TUNAR: variants seen among roughly 807,000 people sequenced by gnomAD.
The protein encoded by TUNAR is protein TUNAR.
At chr14:95,920,368 C>G (rs534498127) in intron 2 of TUNAR, among the ~76,000 whole-genome samples, 15 of 152,110 alleles carry the variant, frequency 9.9e-5, no homozygotes, top group Non-Finnish European at 4.4e-5. Flanking sequence ...TACATTTAAA[C>G]TTTGTGCACT....
chr14:95,896,977 T>C lies in TUNAR; in HGVS notation c.12+19800T>C, dbSNP rs548248063. 3.3e-5 allele frequency among the ~76,000 whole-genome samples: 5 copies of C among 152,352 alleles called. No individual in the cohort carries two copies. In the East Asian group the frequency reaches 9.6e-4, roughly 29 times the overall value. ...GTTTATGCCATGATTCGGGCTTGCG[T>C]TGGAATTTGTTCCTTCAAATAGCTC... On this transcript the variant is annotated intron_variant, in intron 2 of 2. Transcript: ENST00000678517.
At chr14:95,882,917 C>A (rs1889004232) in intron 2 of TUNAR, among the ~76,000 whole-genome samples, 1 of 152,198 alleles carries the variant, frequency 6.6e-6, no homozygotes, top group Admixed American at 6.5e-5. Flanking sequence ...GTGAATGCCC[C>A]TGAGAGCATC....
chr14:95,921,306 C>T (rs565439328), intron 2 of TUNAR, among the ~76,000 whole-genome samples: 8 of 152,150 alleles, frequency 5.3e-5, no homozygotes, highest in Non-Finnish European at 8.8e-5. Context: ...AACCCTGAAG[C>T]GTGAAAAGCC....
At chr14:95,891,390 G>A (rs1186057219) in intron 2 of TUNAR, among the ~76,000 whole-genome samples, 2 of 152,044 alleles carry the variant, frequency 1.3e-5, no homozygotes, top group African/African-American at 2.4e-5. Context: ...AATAATTTTC[G>A]CCCTCTCTCC....
chr14:95,920,416 A>AG (rs1889677404), intron 2 of TUNAR, among the ~76,000 whole-genome samples: 1 of 152,064 alleles, frequency 6.6e-6, no homozygotes, highest in South Asian at 2.1e-4. Flanking sequence ...AAAGTATACG[A>AG]GGGGAGAAAA....
chr14:95,920,113 C>T (rs1185076035), intron 2 of TUNAR, among the ~76,000 whole-genome samples: 5 of 152,182 alleles, frequency 3.3e-5, no homozygotes, highest in Non-Finnish European at 7.3e-5. Context: ...TACACAACGA[C>T]GTGAGCAAAT....
intron 2 of TUNAR, among the ~76,000 whole-genome samples, chr14:95,882,486 T>C (rs1888995915): frequency 6.6e-6 from 1 of 152,230 alleles, no homozygotes; most frequent in African/African-American, 2.4e-5. Context: ...GTTGTTTTTG[T>C]ATGTGGCTTA....
chr14:95,908,104 A>C (rs1889452820), intron 2 of TUNAR, among the ~76,000 whole-genome samples: 2 of 152,092 alleles, frequency 1.3e-5, no homozygotes, highest in South Asian at 4.2e-4. Flanking sequence ...ATTCCTAGGG[A>C]CCTGCCTGCT....
chr14:95,915,790 T>TC (rs1397624952), intron 2 of TUNAR, among the ~76,000 whole-genome samples: 2 of 152,224 alleles, frequency 1.3e-5, no homozygotes, highest in Non-Finnish European at 2.9e-5. Flanking sequence ...TTAAAAACTC[T>TC]CAAGTGTGCT....
chr14:95,879,396 C>T (rs933467515), intron 2 of TUNAR, among the ~76,000 whole-genome samples: 2 of 152,126 alleles, frequency 1.3e-5, no homozygotes, highest in Non-Finnish European at 2.9e-5. Context: ...GGATATTAAT[C>T]TCCCAGCATT....
In TUNAR at chr14:95,885,092, G is replaced by A. The variant is rs144524720; in HGVS notation, c.12+7915G>A. On this transcript the variant is annotated intron_variant, in intron 2 of 2. Coordinates refer to ENST00000678517, the Ensembl canonical transcript of TUNAR. ...CTCTCAGATGGGATGCGTGCTCAGC[G>A]CATGGGGCCAGGGCTTGGTTTTCTG... 1.4e-4 allele frequency among the ~76,000 whole-genome samples: 21 copies of A among 152,326 alleles called. No homozygotes were observed. In the East Asian group the frequency reaches 1.5e-3, roughly 11 times the overall value.
At chr14:95,879,331 C>G (rs956373885) in intron 2 of TUNAR, among the ~76,000 whole-genome samples, 4 of 152,174 alleles carry the variant, frequency 2.6e-5, no homozygotes, top group Non-Finnish European at 1.5e-5. Context: ...GCAAAGCTTT[C>G]ATTTTTGACA....
At chr14:95,913,709 C>G (rs960933192) in intron 2 of TUNAR, among the ~76,000 whole-genome samples, 6 of 152,120 alleles carry the variant, frequency 3.9e-5, no homozygotes, top group Admixed American at 3.9e-4. Flanking sequence ...GGTCACTAAC[C>G]TAGAGACCTC....
At chr14:95,891,051 A>T (rs757127311) in intron 2 of TUNAR, among the ~76,000 whole-genome samples, 8 of 152,362 alleles carry the variant, frequency 5.3e-5, no homozygotes, top group South Asian at 2.1e-4. Context: ...AAGCGACATG[A>T]TCTAGTCTGT....
At chr14:95,882,060 T>G (rs60152752) in intron 2 of TUNAR, among the ~76,000 whole-genome samples, 13,379 of 152,156 alleles carry the variant, frequency 0.088, 694 homozygotes, top group African/African-American at 0.15. Context: ...ATGAGAAAAA[T>G]TAGACAGAAT....
At chr14:95,923,515 T>C (rs771298299) in exon 3 of TUNAR, 1 of 152,206 alleles carries the variant, frequency 6.6e-6, no homozygotes, top group Non-Finnish European at 1.5e-5. Context: ...TGTGTATCTG[T>C]TCATGTCAAG....
chr14:95,887,225 G>T (rs551702377), intron 2 of TUNAR, among the ~76,000 whole-genome samples: 85 of 152,248 alleles, frequency 5.6e-4, no homozygotes, highest in African/African-American at 1.9e-3. Context: ...GATCATCATC[G>T]CTGGCTCCAT....
intron 2 of TUNAR, among the ~76,000 whole-genome samples, chr14:95,918,240 A>T (rs1230121262): frequency 1.3e-5 from 2 of 152,226 alleles, no homozygotes; most frequent in Non-Finnish European, 2.9e-5. Context: ...CCCCTCAAGC[A>T]TCTATCCACT....
chr14:95,897,897 C>CT (rs1463652787), intron 2 of TUNAR, among the ~76,000 whole-genome samples: 1 of 152,064 alleles, frequency 6.6e-6, no homozygotes, highest in African/African-American at 2.4e-5. Flanking sequence ...CATACTCTCC[C>CT]TTTTTTCATA....
Sources: allele counts gnomAD v4.1 joint callset (sites outside exome capture counted in the v4.1 genomes callset), GRCh38; gene constraint gnomAD v4.1.1; transcripts MANE v1.5; gene names NCBI Gene and HGNC (gene_info 2026-07-23, HGNC 2026-07-21).